The following EIF3E variants were observed in gnomAD, a reference collection of about 807,000 sequenced individuals.
The protein encoded by EIF3E is eIF-3 p48.
In EIF3E, 25 loss-of-function variants were observed where a neutral mutation model predicts 59.3. The ratio of observed to expected loss-of-function variants is 0.42; its 90% CI spans 0.31 to 0.59. The LOEUF (loss-of-function observed/expected upper bound fraction) is 0.59, where lower values mean the gene tolerates loss of function less well. Ranked by LOEUF, EIF3E falls within the 20% of genes least tolerant of loss-of-function variation. EIF3E has a pLI of 0.15. For synonymous variants in EIF3E, 176 were observed against 170.2 expected (o/e 1.03, Z -0.26); for missense variants, 317 against 534.3 (o/e 0.59, Z 4.01).
At chr8:108,217,621 A>T (rs1442641181) in intron 7 of EIF3E, among the ~76,000 whole-genome samples, 161 bp from the exon 8 acceptor site, 1 of 152,178 alleles carries the variant, frequency 6.6e-6, no homozygotes, top group East Asian at 1.9e-4. Flanking sequence ...TAAAAACAGA[A>T]TCCAGTTTCA....
chr8:108,235,366 G>C (rs1815707749), intron 4 of EIF3E, among the ~76,000 whole-genome samples: 1 of 152,214 alleles, frequency 6.6e-6, no homozygotes, highest in Admixed American at 6.5e-5. Flanking sequence ...AGGATGAACT[G>C]TTCCACCTCA....
intron 7 of EIF3E, among the ~76,000 whole-genome samples, chr8:108,218,807 G>C (rs1203184888): frequency 8.9e-6 from 1 of 112,726 alleles, no homozygotes; most frequent in African/African-American, 3.4e-5. Context: ...TTTTTGAGAC[G>C]AAGTCTCACT....
intron 5 of EIF3E, among the ~76,000 whole-genome samples, chr8:108,232,894 C>CT (rs34717096): frequency 0.25 from 38,480 of 152,096 alleles, 5,749 homozygotes; most frequent in East Asian, 0.4. Context: ...TGCTGGAACT[C>CT]TAACATGACA....
At chr8:108,242,072 G>A in intron 1 of EIF3E, 159 bp from the exon 2 acceptor site, 1 of 1,391,962 alleles carries the variant, frequency 7.2e-7, no homozygotes, top group Non-Finnish European at 9.6e-7. Context: ...AAGCAATATG[G>A]CAAGCAACCA....
chr8:108,203,524 G>A, intron 10 of EIF3E, 21 bp from the exon 11 acceptor site: 2 of 1,602,494 alleles, frequency 1.2e-6, no homozygotes, highest in South Asian at 2.2e-5. Context: ...AGTAAAAACA[G>A]CAATGTTAAT....
At position 108,224,085 on chromosome 8, in the gene EIF3E, G is replaced by A. The variant is rs539720132; in HGVS notation, c.722+4182C>T. Among the ~76,000 whole-genome samples the A allele has an allele frequency of 6.0e-5, 9 of 150,848 alleles. No individual in the cohort carries two copies. In the East Asian group the frequency reaches 1.6e-3, roughly 26 times the overall value. On this transcript the variant is annotated intron_variant, in intron 7 of 12. Coordinates refer to ENST00000220849, the MANE Select transcript of EIF3E (RefSeq NM_001568.3). ...ACAAAAAAAAAAAGTAGCCAGGCGTGGTGGTGGGCGCCTGTAGTCCCAGCT... is the reference window on the plus strand; with the variant it reads ...ACAAAAAAAAAAAGTAGCCAGGCGTAGTGGTGGGCGCCTGTAGTCCCAGCT...
At chr8:108,205,529 T>C (rs984433804) in intron 10 of EIF3E, among the ~76,000 whole-genome samples, 5 of 152,328 alleles carry the variant, frequency 3.3e-5, no homozygotes, top group Middle Eastern at 3.4e-3. Context: ...GTGGTTTCTG[T>C]TATCAGCAGT....
At chr8:108,245,883 T>C (rs1447277649) in intron 1 of EIF3E, among the ~76,000 whole-genome samples, 1 of 152,218 alleles carries the variant, frequency 6.6e-6, no homozygotes, top group Admixed American at 6.5e-5. Context: ...TGAAACTGTT[T>C]TTCTCTTGGT....
intron 1 of EIF3E, among the ~76,000 whole-genome samples, chr8:108,246,568 T>C (rs1586214319): frequency 1.3e-5 from 2 of 152,180 alleles, no homozygotes; most frequent in East Asian, 3.9e-4. Context: ...CAATTAACCC[T>C]TGGACGACAA....
intron 9 of EIF3E, among the ~76,000 whole-genome samples, chr8:108,215,491 GC>G (rs1453968792): frequency 2.6e-5 from 4 of 152,030 alleles, no homozygotes; most frequent in Non-Finnish European, 5.9e-5. Context: ...GGTGGTGGGC[GC>G]CTATGGTCCC....
intron 1 of EIF3E, 50 bp downstream of exon 1, chr8:108,248,563 C>T (rs1035937993): frequency 6.3e-7 from 1 of 1,594,678 alleles, no homozygotes; most frequent in Non-Finnish European, 8.6e-7. Context: ...CGGCCTTGCT[C>T]AGCACCTCAT....
intron 7 of EIF3E, among the ~76,000 whole-genome samples, chr8:108,225,927 T>TACACC (rs1815508204): frequency 1.4e-5 from 2 of 146,628 alleles, no homozygotes; most frequent in African/African-American, 5.5e-5. Context: ...TTGAATCAAT[T>TACACC]TACCATTTAT....
At chr8:108,223,672 T>G (rs1815463006) in intron 7 of EIF3E, among the ~76,000 whole-genome samples, 1 of 152,230 alleles carries the variant, frequency 6.6e-6, no homozygotes, top group Non-Finnish European at 1.5e-5. Flanking sequence ...CTACATTTAG[T>G]GGCAAAGCCT....
chr8:108,202,818 A>T (rs1815018617), intron 12 of EIF3E, among the ~76,000 whole-genome samples, 165 bp downstream of exon 12: 1 of 152,116 alleles, frequency 6.6e-6, no homozygotes, highest in Admixed American at 6.6e-5. Flanking sequence ...TAATGCATAT[A>T]ATACATCTAA....
At chr8:108,223,414 G>GT (rs978754271) in intron 7 of EIF3E, among the ~76,000 whole-genome samples, 27 of 152,042 alleles carry the variant, frequency 1.8e-4, no homozygotes, top group Non-Finnish European at 2.5e-4. Flanking sequence ...ACGACAAAGA[G>GT]TTTTTTTTAC....
chr8:108,208,365 C>A (rs75446339), intron 10 of EIF3E, among the ~76,000 whole-genome samples: 1,877 of 152,146 alleles, frequency 0.012, 38 homozygotes, highest in African/African-American at 0.042. Flanking sequence ...GAAAAGTACT[C>A]CAAGTCTTTT....
At chr8:108,202,068 G>C (rs1465377397) in intron 12 of EIF3E, 145 bp from the exon 13 acceptor site, 2 of 620,764 alleles carry the variant, frequency 3.2e-6, no homozygotes, top group Admixed American at 4.0e-5. Flanking sequence ...GCAATTACTA[G>C]ATGTCAGATG....
At chr8:108,228,015 T>C (rs1191722556) in intron 7 of EIF3E, 2 of 299,750 alleles carry the variant, frequency 6.7e-6, no homozygotes, top group South Asian at 9.9e-5. Flanking sequence ...TGAGATTCTA[T>C]ATGATTTCTA....
At position 108,224,687 on chromosome 8, in the gene EIF3E, A is replaced by G. The variant is rs149981141; in HGVS notation, c.722+3580T>C. Among the ~76,000 whole-genome samples, 9 of 151,690 alleles carry G rather than the reference A, an allele frequency of 5.9e-5. No individual in the cohort carries two copies. The East Asian group carries it at 1.7e-3, about 29-fold the overall frequency. The stretch of plus-strand genomic sequence containing the variant: ...CTTTTCCACAGGCTGTTTCTGTTCA[A>G]AGAAAATAGTTCCACAGGCATGATG... On this transcript the variant is annotated intron_variant, in intron 7 of 12. Transcript: ENST00000220849.
Sources: gnomAD v4.1 joint callset for allele counts (sites outside exome capture counted in the v4.1 genomes callset) on GRCh38, gnomAD v4.1.1 for gene constraint, MANE v1.5 for transcripts, NCBI Gene and HGNC (gene_info 2026-07-23, HGNC 2026-07-21) for gene names.